Variants in CCDC144A observed in about 807,000 individuals in gnomAD.
The protein encoded by CCDC144A is coiled-coil domain containing 144A, also known as coiled-coil domain-containing protein 144A.
In CCDC144A, 41 loss-of-function variants were observed where a neutral mutation model predicts 143.8. The ratio of observed to expected loss-of-function variants is 0.29; its 90% CI spans 0.22 to 0.37. The LOEUF (loss-of-function observed/expected upper bound fraction) is 0.37. Among genes scored for constraint, CCDC144A ranks in the 10% least tolerant of loss-of-function variants. The probability of loss-of-function intolerance (pLI) is 1.00; values close to 1 mark genes in which losing one functional copy is unlikely to be tolerated. For synonymous variants in CCDC144A, 242 were observed against 517.9 expected (o/e 0.47, Z 7.23); for missense variants, 637 against 1,488.8 (o/e 0.43, Z 9.41).
At chr17:16,748,682 G>C (rs1375789221) in intron 12 of CCDC144A, among the ~76,000 whole-genome samples, 1 of 152,188 alleles carries the variant, frequency 6.6e-6, no homozygotes, top group African/African-American at 2.4e-5. Context: ...TTCTTTGTAT[G>C]TCTGGTAGAA....
At chr17:16,746,253 T>C in intron 12 of CCDC144A, 1 of 1,325,656 alleles carries the variant, frequency 7.5e-7, no homozygotes, top group Non-Finnish European at 1.0e-6. Flanking sequence ...TTTCTTCTGT[T>C]TATCTGTCTC....
At chr17:16,692,409 C>A (rs1911142310) in intron 1 of CCDC144A, among the ~76,000 whole-genome samples, 2 of 136,896 alleles carry the variant, frequency 1.5e-5, no homozygotes, top group African/African-American at 5.6e-5. Flanking sequence ...AAATTATAAG[C>A]CACAAAGAAT....
chr17:16,701,793 G>T (rs570179302), intron 2 of CCDC144A, among the ~76,000 whole-genome samples: 2 of 150,512 alleles, frequency 1.3e-5, no homozygotes, highest in South Asian at 4.2e-4. Flanking sequence ...AACGGGGAGG[G>T]TGGGGAAAAA....
At chr17:16,746,143 T>G in intron 12 of CCDC144A, 1 of 1,572,368 alleles carries the variant, frequency 6.4e-7, no homozygotes, top group Non-Finnish European at 8.7e-7. Flanking sequence ...CCACCTCCAG[T>G]ATCAATCTCC....
chr17:16,675,699 GAT>G, the CCDC144A span, among the ~76,000 whole-genome samples: 1 of 120,390 alleles, frequency 8.3e-6, no homozygotes, highest in African/African-American at 3.4e-5. Context: ...CATGGAGATA[GAT>G]CAGTGGAAAA....
chr17:16,769,049 C>CACA (rs1460681144), intron 15 of CCDC144A, among the ~76,000 whole-genome samples: 1 of 152,156 alleles, frequency 6.6e-6, no homozygotes, highest in Non-Finnish European at 1.5e-5. Context: ...GAGGATGTGG[C>CACA]TCAGATGTGC....
At chr17:16,670,037 C>A in the CCDC144A span, among the ~76,000 whole-genome samples, 1 of 151,674 alleles carries the variant, frequency 6.6e-6, no homozygotes, top group Non-Finnish European at 1.5e-5. Flanking sequence ...AAAAATTAGC[C>A]GGGCATGATG....
Position 16,707,134 on chromosome 17 carries a change from T to C in CCDC144A, c.665-335T>C, listed in dbSNP as rs1381902714. 2.2e-3 allele frequency: 537 copies of C among 244,668 alleles called. 5 individuals carry two copies. The highest frequency in any genetic ancestry group is 0.012 in the African/African-American group (511 of 43,032). 15.2% of individuals were successfully genotyped at this position (244,668 alleles called of 1,614,324 possible). ...TGAAGTGGAGAACAGTATGCAGCATTGCCTGATAATATTACTACTGCATTC... is the reference window on the plus strand; with the variant it reads ...TGAAGTGGAGAACAGTATGCAGCATCGCCTGATAATATTACTACTGCATTC... On this transcript the variant is annotated intron_variant, in intron 3 of 16. Coordinates refer to ENST00000399273, the MANE Select transcript of CCDC144A (RefSeq NM_001382000.1).
At chr17:16,698,254 G>A (rs1407080653) in intron 2 of CCDC144A, among the ~76,000 whole-genome samples, 1 of 152,176 alleles carries the variant, frequency 6.6e-6, no homozygotes, top group Non-Finnish European at 1.5e-5. Context: ...AAAAAGAGGA[G>A]AGGAATCATA....
chr17:16,732,646 C>A lies in CCDC144A; in HGVS notation c.2398C>A (p.Arg800=). The A allele has an allele frequency of 1.2e-6, 2 of 1,609,236 alleles. No homozygotes were observed. The highest frequency in any genetic ancestry group is 2.2e-5 in the South Asian group (2 of 89,684). ...TSKQKELEMA[R]KKMNSEISHR... ...TAAACAAAAGGAACTAGAAATGGCT[C>A]GAAAGAAAATGAATTCTGAGGTATT... The change falls in exon 11 of 17, where the codon CGA becomes AGA. Residue 800 remains arginine, a synonymous_variant. Transcript: ENST00000399273.
chr17:16,734,617 ATTAT>A (rs1191641585), intron 11 of CCDC144A, 69 bp from the exon 12 acceptor site: 4 of 1,403,502 alleles, frequency 2.9e-6, no homozygotes, highest in African/African-American at 2.9e-5. Flanking sequence ...CATTGTATAC[ATTAT>A]TTAATTTCAG....
At chr17:16,747,020 G>A (rs929178501) in intron 12 of CCDC144A, among the ~76,000 whole-genome samples, 3 of 151,080 alleles carry the variant, frequency 2.0e-5, no homozygotes, top group Admixed American at 6.6e-5. Context: ...AGGTTTTCTT[G>A]TAGGATTTTT....
At chr17:16,768,637 A>G (rs986911829) in intron 15 of CCDC144A, among the ~76,000 whole-genome samples, 1 of 152,246 alleles carries the variant, frequency 6.6e-6, no homozygotes, top group African/African-American at 2.4e-5. Flanking sequence ...TTTGTCCTAT[A>G]TATCAGAAGT....
At chr17:16,669,882 C>T in the CCDC144A span, among the ~76,000 whole-genome samples, 1 of 152,092 alleles carries the variant, frequency 6.6e-6, no homozygotes, top group Non-Finnish European at 1.5e-5. Context: ...AGATATTATG[C>T]CAAAAATTAT....
At position 16,711,985 on chromosome 17, in the gene CCDC144A, C is replaced by G. The variant is rs188301278; in HGVS notation, c.1715+170C>G. 5.3e-6 allele frequency: 5 copies of G among 936,130 alleles called. No individual in the cohort carries two copies. In the South Asian group the frequency reaches 6.7e-5, roughly 13 times the overall value. The allele number at this position is 936,130 out of a possible 1,614,324, so 58.0% of individuals were successfully genotyped here. ...ATCTCTACTAAAAATACAAAATTAGCCAGATGTAGTGGTGCATGCCTGTAA... is the reference window on the plus strand; with the variant it reads ...ATCTCTACTAAAAATACAAAATTAGGCAGATGTAGTGGTGCATGCCTGTAA... On this transcript the variant is annotated intron_variant, in intron 6 of 16. Coordinates refer to ENST00000399273, the MANE Select transcript of CCDC144A (RefSeq NM_001382000.1).
At chr17:16,710,752 G>A (rs1180303690) in intron 5 of CCDC144A, among the ~76,000 whole-genome samples, 3 of 152,038 alleles carry the variant, frequency 2.0e-5, no homozygotes, top group South Asian at 2.1e-4. Context: ...CCCACCCTCC[G>A]CTAAGGCATT....
chr17:16,756,386 C>A (rs575265273), intron 12 of CCDC144A, among the ~76,000 whole-genome samples: 2 of 152,046 alleles, frequency 1.3e-5, no homozygotes, highest in Non-Finnish European at 2.9e-5. Flanking sequence ...TCTCCTTGAT[C>A]TAGTCTATTG....
intron 9 of CCDC144A, among the ~76,000 whole-genome samples, chr17:16,730,422 A>T (rs1041061550): frequency 2.6e-5 from 3 of 117,322 alleles, no homozygotes; most frequent in African/African-American, 1.2e-4. Flanking sequence ...TGGTAATGTG[A>T]TGTCTCTGGC....
At chr17:16,770,999 A>G (rs1392456751) in intron 15 of CCDC144A, among the ~76,000 whole-genome samples, 4 of 152,262 alleles carry the variant, frequency 2.6e-5, no homozygotes, top group African/African-American at 9.6e-5. Context: ...GTAAAAAAAA[A>G]AATTGACTTG....
Sources: allele counts gnomAD v4.1 joint callset (sites outside exome capture counted in the v4.1 genomes callset), GRCh38; gene constraint gnomAD v4.1.1; transcripts MANE v1.5; gene names NCBI Gene and HGNC (gene_info 2026-07-23, HGNC 2026-07-21).